PTPRT: variants seen among roughly 807,000 people sequenced by gnomAD.
PTPRT encodes the protein protein tyrosine phosphatase receptor type T, also known as receptor-type tyrosine-protein phosphatase T.
In PTPRT, 56 loss-of-function variants were observed where a neutral mutation model predicts 176.8. The observed-to-expected ratio is 0.32, with a 90% CI of 0.26 to 0.40. The LOEUF is 0.40. Ranked by LOEUF, PTPRT falls within the 10% of genes least tolerant of loss-of-function variation. The pLI, the probability that PTPRT is intolerant of heterozygous loss-of-function variation, is 1.00. For missense variants in PTPRT, 1,540 were observed against 1,908.2 expected, an observed-to-expected ratio of 0.81 and a Z score of 3.60; for synonymous variants, 783 against 739.0, an observed-to-expected ratio of 1.06 and a Z score of -0.96.
intron 9 of PTPRT, among the ~76,000 whole-genome samples, chr20:42,430,573 T>A (rs2059207254): frequency 2.0e-5 from 3 of 152,180 alleles, no homozygotes; most frequent in Non-Finnish European, 4.4e-5. Flanking sequence ...GCTGGTGATG[T>A]ATCATAAAGT....
At chr20:42,667,638 G>A (rs2075338829) in intron 7 of PTPRT, among the ~76,000 whole-genome samples, 1 of 152,190 alleles carries the variant, frequency 6.6e-6, no homozygotes, top group African/African-American at 2.4e-5. Context: ...AAATTTAGAA[G>A]AAGTTGAGGG....
intron 13 of PTPRT, among the ~76,000 whole-genome samples, chr20:42,253,452 G>T (rs1021818523): frequency 1.3e-5 from 2 of 152,160 alleles, no homozygotes; most frequent in African/African-American, 4.8e-5. Flanking sequence ...ATGAGAGTCA[G>T]GCTTAGTATC....
intron 9 of PTPRT, among the ~76,000 whole-genome samples, chr20:42,366,773 G>GA (rs201466656): frequency 2.7e-4 from 29 of 107,800 alleles, no homozygotes; most frequent in Non-Finnish European, 5.7e-4. Context: ...CGGCACATGT[G>GA]AGGAAGCTGA....
chr20:42,160,716 CA>C (rs1288484507), intron 17 of PTPRT, among the ~76,000 whole-genome samples: 1 of 152,174 alleles, frequency 6.6e-6, no homozygotes, highest in East Asian at 1.9e-4. Flanking sequence ...TATTATTCCC[CA>C]AACCTCGGTA....
chr20:42,338,484 A>T (rs2058070006), intron 11 of PTPRT, among the ~76,000 whole-genome samples: 1 of 152,182 alleles, frequency 6.6e-6, no homozygotes, highest in African/African-American at 2.4e-5. Context: ...CATTCCCACC[A>T]TTGGAAACTG....
chr20:43,119,957 C>G (rs2013195810), intron 1 of PTPRT, among the ~76,000 whole-genome samples: 4 of 152,122 alleles, frequency 2.6e-5, no homozygotes, highest in Admixed American at 2.6e-4. Context: ...TCGGGCTTAG[C>G]AACTTTATTC....
At chr20:42,512,912 T>G (rs1445659830) in intron 7 of PTPRT, among the ~76,000 whole-genome samples, 3 of 152,070 alleles carry the variant, frequency 2.0e-5, no homozygotes, top group African/African-American at 7.2e-5. Context: ...CAGACTGGAG[T>G]GCAATGGCAT....
chr20:42,456,224 T>C (rs1471448021), intron 8 of PTPRT, among the ~76,000 whole-genome samples: 1 of 152,080 alleles, frequency 6.6e-6, no homozygotes, highest in Non-Finnish European at 1.5e-5. Context: ...GAAATGGAAT[T>C]GACTTTTTAA....
intron 9 of PTPRT, among the ~76,000 whole-genome samples, chr20:42,417,426 T>C (rs964439644): frequency 6.6e-6 from 1 of 152,058 alleles, no homozygotes; most frequent in Non-Finnish European, 1.5e-5. Context: ...CCTTGTTTCG[T>C]TGTTTCCCTG....
intron 7 of PTPRT, among the ~76,000 whole-genome samples, chr20:42,530,454 G>T (rs1246577240): frequency 1.3e-5 from 2 of 152,216 alleles, no homozygotes; most frequent in Non-Finnish European, 2.9e-5. Context: ...GTTGGGGGAG[G>T]TATAAACTGC....
chr20:42,082,325 G>A (rs1983411595), intron 29 of PTPRT, among the ~76,000 whole-genome samples: 1 of 152,208 alleles, frequency 6.6e-6, no homozygotes, highest in Non-Finnish European at 1.5e-5. Flanking sequence ...CTATGAGCAT[G>A]TTACAGTCAC....
chr20:42,033,979 T>C, the PTPRT span, among the ~76,000 whole-genome samples: 1 of 152,246 alleles, frequency 6.6e-6, no homozygotes, highest in Non-Finnish European at 1.5e-5. Context: ...CAGATACGTA[T>C]GTCTACATGT....
At chr20:42,696,517 A>G (rs553327457) in intron 6 of PTPRT, among the ~76,000 whole-genome samples, 128 of 150,082 alleles carry the variant, frequency 8.5e-4, no homozygotes, top group African/African-American at 3.0e-3. Flanking sequence ...GTGCAGTGGC[A>G]TGATCTCGGC....
intron 2 of PTPRT, among the ~76,000 whole-genome samples, chr20:42,795,885 G>A (rs1045171532): frequency 2.0e-5 from 3 of 152,124 alleles, no homozygotes; most frequent in Non-Finnish European, 2.9e-5. Context: ...AAGTAAAAAC[G>A]GTACTTAATA....
At chr20:43,169,230 G>A (rs1197192668) in intron 1 of PTPRT, among the ~76,000 whole-genome samples, 4 of 152,194 alleles carry the variant, frequency 2.6e-5, no homozygotes, top group African/African-American at 9.7e-5. Context: ...AAGAGTCACT[G>A]CGATTAGGGC....
Position 42,315,915 on chromosome 20 carries a change from G to A in PTPRT, c.1947C>T (p.Pro649=), listed in dbSNP as rs770357636. The part of the protein sequence containing the change: ...AADIIECFSV[P]VSYRNASSLD... ...GGCTGGAGGCATTCCGATAGCTCAC[G>A]GGCACCGAAAAGCACTCAATAATGT... The change falls in exon 12 of 31, where the codon CCC becomes CCT. Residue 649 remains proline, a synonymous_variant. Transcript: ENST00000373187. 1.4e-5 allele frequency: 22 copies of A among 1,613,986 alleles called. No homozygotes were observed. The highest frequency in any genetic ancestry group is 1.1e-4 in the East Asian group (5 of 44,894).
chr20:42,638,408 C>G (rs1053392991), intron 7 of PTPRT, among the ~76,000 whole-genome samples: 1 of 152,004 alleles, frequency 6.6e-6, no homozygotes, highest in Non-Finnish European at 1.5e-5. Flanking sequence ...AGATACTCAC[C>G]CTTCGCTCCT....
intron 13 of PTPRT, among the ~76,000 whole-genome samples, chr20:42,255,279 C>A (rs557928582): frequency 3.3e-4 from 50 of 152,278 alleles, no homozygotes; most frequent in African/African-American, 1.1e-3. Flanking sequence ...TTGATATTCT[C>A]ATTTATGAAA....
intron 2 of PTPRT, among the ~76,000 whole-genome samples, chr20:42,824,864 A>G (rs1432973561): frequency 6.6e-6 from 1 of 152,028 alleles, no homozygotes; most frequent in Non-Finnish European, 1.5e-5. Context: ...AAATGTAAGT[A>G]CCAGGTAAAG....
Sources: gnomAD v4.1 joint callset for allele counts (sites outside exome capture counted in the v4.1 genomes callset) on GRCh38, gnomAD v4.1.1 for gene constraint, MANE v1.5 for transcripts, NCBI Gene and HGNC (gene_info 2026-07-23, HGNC 2026-07-21) for gene names.